The following EPB41L4A variants were observed in gnomAD, a reference collection of about 807,000 sequenced individuals.
The protein encoded by EPB41L4A is band 4.1-like protein 4A.
Under a neutral mutation model 108.6 loss-of-function variants are expected in EPB41L4A, and 100 were observed. That is an observed-to-expected ratio of 0.92 (90% CI 0.78 to 1.09). EPB41L4A has a LOEUF of 1.09. Ranked by LOEUF, EPB41L4A falls within the 50% of genes least tolerant of loss-of-function variation. The pLI is 0.00. For missense variants in EPB41L4A, 1,030 were observed against 842.7 expected (o/e 1.22, Z -2.75); for synonymous variants, 319 against 289.0 (o/e 1.10, Z -1.05).
chr5:112,321,023 T>C (rs1755735263), intron 1 of EPB41L4A, among the ~76,000 whole-genome samples: 5 of 152,204 alleles, frequency 3.3e-5, no homozygotes, highest in Non-Finnish European at 1.5e-5. Context: ...GGTCGTGAGA[T>C]TACAGGCCAT....
In EPB41L4A at chr5:112,164,895, G is replaced by A. The variant is rs538978461; in HGVS notation, c.*95C>T. Reference sequence around the variant, plus strand: ...TCTCATGCTGAAGAAATACTTGCAGGTCTGAGATTTGAATTAAGATACCTA... The same window carrying A: ...TCTCATGCTGAAGAAATACTTGCAGATCTGAGATTTGAATTAAGATACCTA... On this transcript the variant is annotated 3_prime_UTR_variant, in exon 23 of 23. Coordinates refer to ENST00000261486, the MANE Select transcript of EPB41L4A (RefSeq NM_022140.5). The A allele has an allele frequency of 1.6e-5, 20 of 1,241,728 alleles. No individual in the cohort carries two copies. Among genetic ancestry groups the A allele is most frequent in the African/African-American group, 7.8e-5 (5 of 64,460 alleles). 76.9% of individuals were successfully genotyped at this position (1,241,728 alleles called of 1,614,324 possible).
At chr5:112,266,667 A>C (rs1156926643) in intron 4 of EPB41L4A, among the ~76,000 whole-genome samples, 1 of 152,086 alleles carries the variant, frequency 6.6e-6, no homozygotes, top group Admixed American at 6.5e-5. Context: ...GACAGCATCC[A>C]CCTCACAGGG....
chr5:112,217,974 T>C (rs1236427295), intron 12 of EPB41L4A, among the ~76,000 whole-genome samples: 1 of 152,164 alleles, frequency 6.6e-6, no homozygotes, highest in African/African-American at 2.4e-5. Context: ...ATCCCTCTGC[T>C]TTCGTCATTA....
At chr5:112,221,059 C>A (rs953881486) in intron 12 of EPB41L4A, among the ~76,000 whole-genome samples, 1 of 152,170 alleles carries the variant, frequency 6.6e-6, no homozygotes, top group Non-Finnish European at 1.5e-5. Flanking sequence ...GTACACTTTT[C>A]TCTTGTTAAT....
chr5:112,262,231 A>G (rs1751544113), intron 7 of EPB41L4A, among the ~76,000 whole-genome samples: 2 of 152,096 alleles, frequency 1.3e-5, no homozygotes, highest in Non-Finnish European at 2.9e-5. Context: ...ATGTTTAGCT[A>G]AGCCCTTTGT....
At chr5:112,274,968 T>C (rs1752522405) in intron 4 of EPB41L4A, among the ~76,000 whole-genome samples, 1 of 152,252 alleles carries the variant, frequency 6.6e-6, no homozygotes, top group Non-Finnish European at 1.5e-5. Flanking sequence ...GGCAAATGTA[T>C]ATTTAGAAGT....
At chr5:112,198,312 C>T (rs1329971012) in intron 15 of EPB41L4A, among the ~76,000 whole-genome samples, 5 of 152,168 alleles carry the variant, frequency 3.3e-5, no homozygotes, top group East Asian at 1.9e-4. Context: ...GGATTACAGG[C>T]ATGAGCCACC....
chr5:112,190,184 G>T (rs1314452558), intron 17 of EPB41L4A, among the ~76,000 whole-genome samples: 1 of 152,164 alleles, frequency 6.6e-6, no homozygotes, highest in African/African-American at 2.4e-5. Context: ...GTATAGCAAA[G>T]TAATCTCTAA....
At chr5:112,304,060 G>A (rs892790465) in intron 2 of EPB41L4A, among the ~76,000 whole-genome samples, 5 of 152,070 alleles carry the variant, frequency 3.3e-5, no homozygotes, top group African/African-American at 1.2e-4. Context: ...GTTTGGGGGT[G>A]GGGTGGTCAA....
intron 12 of EPB41L4A, among the ~76,000 whole-genome samples, chr5:112,232,568 A>C (rs1580486550): frequency 6.6e-6 from 1 of 152,340 alleles, no homozygotes; most frequent in East Asian, 1.9e-4. Flanking sequence ...AGAAGCAGTA[A>C]GTCAGGTGAC....
At chr5:112,145,790 G>T in intron 13 of EPB41L4A, 1 of 317,212 alleles carries the variant, frequency 3.2e-6, no homozygotes, top group Non-Finnish European at 6.2e-6. Flanking sequence ...AAAGAAAAAG[G>T]CCAAGAACAA....
At chr5:112,412,083 A>G (rs1275219240) in intron 1 of EPB41L4A, among the ~76,000 whole-genome samples, 1 of 152,146 alleles carries the variant, frequency 6.6e-6, no homozygotes, top group Non-Finnish European at 1.5e-5. Flanking sequence ...TGTCGTTCCT[A>G]AACAATACAC....
intron 12 of EPB41L4A, among the ~76,000 whole-genome samples, chr5:112,224,239 C>T (rs1580467157): frequency 1.3e-5 from 2 of 152,150 alleles, no homozygotes; most frequent in Non-Finnish European, 2.9e-5. Context: ...TGTAAGCCAC[C>T]GCATCCAGCC....
intron 1 of EPB41L4A, among the ~76,000 whole-genome samples, chr5:112,375,675 C>T (rs116250009): frequency 5.5e-4 from 83 of 152,266 alleles, no homozygotes; most frequent in African/African-American, 1.9e-3. Context: ...GGTAGTTGCA[C>T]TGCTGGCCCA....
intron 18 of EPB41L4A, among the ~76,000 whole-genome samples, chr5:112,177,378 G>C (rs1423725299): frequency 6.6e-6 from 1 of 152,180 alleles, no homozygotes; most frequent in Admixed American, 6.5e-5. Context: ...AGAAACTTAT[G>C]ATTACTTTGG....
rs1194897650 is a variant in EPB41L4A, at chr5:112,152,475, G to A, written n.994+5926C>T. On this transcript the variant is annotated intron_variant and non_coding_transcript_variant, in intron 12 of 13. Coordinates refer to the EPB41L4A transcript ENST00000507810. ...TTTGGGTGGTGATTATGTCATGAAT[G>A]GGATTAGTGCCCTTATAAAAAGGCT... is the stretch of plus-strand genomic sequence containing the variant. Among the ~76,000 whole-genome samples, 3 of 152,248 alleles carry A rather than the reference G, an allele frequency of 2.0e-5. No individual in the cohort carries two copies. In the East Asian group the frequency reaches 5.8e-4, roughly 29 times the overall value.
rs539307301 is a variant in EPB41L4A, at chr5:112,146,737, C to G, written n.995-739G>C. Among the ~76,000 whole-genome samples, 62 of 152,294 alleles carry G rather than the reference C, an allele frequency of 4.1e-4. 3 individuals are homozygous for G. The South Asian group carries it at 0.01, about 25-fold the overall frequency. The stretch of plus-strand genomic sequence containing the variant: ...AAAGGTCTATTAATAATTTAACCCT[C>G]GTTGCTACTGGCAAGCTGGCTGCAG... On this transcript the variant is annotated intron_variant and non_coding_transcript_variant, in intron 12 of 13. Transcript: ENST00000507810.
intron 1 of EPB41L4A, among the ~76,000 whole-genome samples, chr5:112,352,804 CTT>C (rs1758128541): frequency 6.6e-6 from 1 of 152,166 alleles, no homozygotes; most frequent in Non-Finnish European, 1.5e-5. Flanking sequence ...ATTGAATACT[CTT>C]TAAAGCATTT....
chr5:112,161,961 C>T (rs1418425806), downstream of EPB41L4A: 1 of 157,090 alleles, frequency 6.4e-6, no homozygotes, highest in African/African-American at 2.4e-5. Context: ...TTTGCTGATA[C>T]TTCCTGAGAA....
Sources: allele counts gnomAD v4.1 joint callset (sites outside exome capture counted in the v4.1 genomes callset), GRCh38; gene constraint gnomAD v4.1.1; transcripts MANE v1.5; gene names NCBI Gene and HGNC (gene_info 2026-07-23, HGNC 2026-07-21).